Variants in SPTBN2 observed in about 807,000 individuals in gnomAD.
SPTBN2 encodes the protein spectrin beta, non-erythrocytic 2.
Under a neutral mutation model 284.2 loss-of-function variants are expected in SPTBN2, and 107 were observed. That is an observed-to-expected ratio of 0.38 (90% CI 0.32 to 0.44). The LOEUF is 0.44. Among genes scored for constraint, SPTBN2 ranks in the 20% least tolerant of loss-of-function variants. The pLI, the probability that SPTBN2 is intolerant of heterozygous loss-of-function variation, is 1.00. For synonymous variants in SPTBN2, 1,289 were observed against 1,354.8 expected (o/e 0.95, Z 1.07); for missense variants, 2,569 against 3,287.1 (o/e 0.78, Z 5.34).
intron 3 of SPTBN2, among the ~76,000 whole-genome samples, chr11:66,717,476 A>AACAC (rs1245073329): frequency 1.3e-5 from 2 of 152,102 alleles, no homozygotes; most frequent in Non-Finnish European, 2.9e-5. Flanking sequence ...AAGACACAGC[A>AACAC]ACACACCCAC....
chr11:66,726,780 A>C (rs1355295873), intron 1 of SPTBN2, among the ~76,000 whole-genome samples: 2 of 152,238 alleles, frequency 1.3e-5, no homozygotes, highest in Non-Finnish European at 2.9e-5. Context: ...TGAATAATAG[A>C]TTAGAAGAAA....
chr11:66,689,324 G>GA, intron 29 of SPTBN2, 144 bp from the exon 30 acceptor site: 1 of 866,026 alleles, frequency 1.2e-6, no homozygotes, highest in Admixed American at 2.4e-5. Flanking sequence ...ACCAAGGCTG[G>GA]AATGCAGTGG....
chr11:66,699,489 G>T lies in SPTBN2; in HGVS notation c.3693C>A (p.Leu1231=). Residue 1231 remains leucine (L), a synonymous_variant, in exon 18 of 38, where the codon CTC becomes CTA. Transcript: ENST00000533211. ...ATACCAGCTGGCGGCCAGCCTCCAG[G>T]AGCCCGTGGATCCGTTCCCCATTGG... ...MDANGERIHG[L]LEAGRQLVSE... is the part of the protein sequence containing the mutation. The T allele has an allele frequency of 6.2e-7, 1 of 1,614,166 alleles. No homozygotes were observed. The highest frequency in any genetic ancestry group is 8.5e-7 in the Non-Finnish European group (1 of 1,180,036).
chr11:66,694,340 C>T lies in SPTBN2; in HGVS notation c.4302G>A (p.Val1434=), dbSNP rs1437186452. Residue 1434 remains valine (V), a synonymous_variant, in exon 22 of 38, where the codon GTG becomes GTA. Transcript: ENST00000533211. The part of the protein sequence containing the change: ...KQQMLEWEMA[V]REKEVEAIQA... ...GGATTGCCTCCACCTCCTTCTCTCT[C>T]ACAGCCATCTCCCATTCCAGCATCT... 1 of 1,614,212 alleles carries T rather than the reference C, an allele frequency of 6.2e-7. No individual in the cohort carries two copies. The highest frequency in any genetic ancestry group is 1.1e-5 in the South Asian group (1 of 91,088).
At chr11:66,714,532 T>G (rs551569945) in intron 5 of SPTBN2, 125 bp from the exon 6 acceptor site, 2 of 843,396 alleles carry the variant, frequency 2.4e-6, no homozygotes, top group South Asian at 2.8e-5. Flanking sequence ...AGGCATAGCC[T>G]GAGGTCCTTT....
In SPTBN2 at chr11:66,714,092, G is replaced by T; in HGVS notation, c.655C>A (p.Arg219=). The T allele has an allele frequency of 6.2e-7, 1 of 1,614,184 alleles. No homozygotes were observed. The highest frequency in any genetic ancestry group is 1.1e-5 in the South Asian group (1 of 91,080). ...LAFNAIVHKH[R]PDLLDFESLK... ...CGTTTGCTAACCCCATCTTCTCACCGGTGTTTATGCACGATGGCGTTGAAA... is the reference window on the plus strand; with the variant it reads ...CGTTTGCTAACCCCATCTTCTCACCTGTGTTTATGCACGATGGCGTTGAAA... Residue 219 remains arginine, a splice_region_variant and synonymous_variant, in exon 7 of 38, where the codon CGG becomes AGG. Transcript: ENST00000533211.
rs1940062840 is a variant in SPTBN2 at position 66,685,742 on chromosome 11, G to C, written c.*129C>G. ...GACTCGTCCCCAGTGACAGTTCCTG[G>C]TGATGGGTTGACCTTGGCAACAGAC... On this transcript the variant is annotated 3_prime_UTR_variant, in exon 38 of 38. Coordinates refer to ENST00000533211, the MANE Select transcript of SPTBN2 (RefSeq NM_006946.4). The surrounding 1 kb of genome is among the most constrained non-coding windows in gnomAD (Gnocchi z 4.4). The C allele has an allele frequency of 1.2e-5, 10 of 837,034 alleles. No homozygotes were observed. Among genetic ancestry groups the C allele is most frequent in the Non-Finnish European group, 2.0e-5 (10 of 501,152 alleles). The allele number at this position is 837,034 out of a possible 1,614,324, so 51.9% of individuals were successfully genotyped here.
rs987598548 is a variant in SPTBN2, at chr11:66,693,596, C to T, written c.4594-150G>A. 2.4e-5 allele frequency: 34 copies of T among 1,403,346 alleles called. No individual in the cohort carries two copies. In the East Asian group the frequency reaches 2.5e-4, roughly 10 times the overall value. 86.9% of individuals were successfully genotyped at this position (1,403,346 alleles called of 1,614,324 possible). On this transcript the variant is annotated intron_variant, in intron 23 of 37. Transcript: ENST00000533211. The surrounding 1 kb of genome is among the most constrained non-coding windows in gnomAD (Gnocchi z 5.7). ...GGGTGCGATGGTAACACCCGTCAGCCGCCCAGCCCCCACTATCTCCTACTG... is the reference window on the plus strand; with the variant it reads ...GGGTGCGATGGTAACACCCGTCAGCTGCCCAGCCCCCACTATCTCCTACTG...
At chr11:66,689,291 T>C in intron 29 of SPTBN2, 111 bp from the exon 30 acceptor site, 1 of 1,220,516 alleles carries the variant, frequency 8.2e-7, no homozygotes, top group Admixed American at 2.2e-5. Flanking sequence ...TTCTTTTTTT[T>C]GAGACGGAGT....
rs2135309758 is a variant in SPTBN2, at chr11:66,688,248, G to A, written c.6295C>T (p.Pro2099Ser). 1 of 1,613,364 alleles carries A rather than the reference G, an allele frequency of 6.2e-7. No individual in the cohort carries two copies. The highest frequency in any genetic ancestry group is 1.1e-5 in the South Asian group (1 of 91,030). The change falls in exon 32 of 38, where the codon CCT becomes TCT. Residue 2099 changes from proline (P) to serine (S), a missense_variant. Pro to Ser is a moderately conservative substitution (Grantham distance 74). This residue lies in a region of SPTBN2 where 1,130 missense variants were observed against 1,317.3 expected (regional missense o/e 0.86). Transcript: ENST00000533211. ...REEEERRKQP[P>S]APEPTASVPP... Reference sequence around the variant, plus strand: ...ACACTGGCTGTGGGTTCGGGAGCAGGCGGCTGTTTCCGCCGCTCCTCCTCC... The same window carrying A: ...ACACTGGCTGTGGGTTCGGGAGCAGACGGCTGTTTCCGCCGCTCCTCCTCC...
At position 66,715,924 on chromosome 11, in the gene SPTBN2, G is replaced by A; in HGVS notation, c.215C>T (p.Ala72Val). 1.2e-6 allele frequency: 2 copies of A among 1,614,106 alleles called. No homozygotes were observed. Among genetic ancestry groups the A allele is most frequent in the Non-Finnish European group, 1.7e-6 (2 of 1,180,018 alleles). The change falls in exon 4 of 38, where the codon GCC becomes GTC. Residue 72 changes from alanine (A) to valine (V), a missense_variant. Coordinates refer to ENST00000533211, the MANE Select transcript of SPTBN2 (RefSeq NM_006946.4). This position sits in a 1 kb window ranked among gnomAD's most constrained non-coding sequence, Gnocchi z 5.3. Reference protein sequence around the residue: ...TFTKWVNSHLARVTCRVGDLY... With the variant: ...TFTKWVNSHLVRVTCRVGDLY... ...GTCCCCCACCCGGCACGTGACCCGG[G>A]CCAGGTGCGAGTTTACCCACTTGGT...
At chr11:66,716,849 G>A (rs1437693519) in intron 3 of SPTBN2, among the ~76,000 whole-genome samples, 1 of 152,224 alleles carries the variant, frequency 6.6e-6, no homozygotes, top group Admixed American at 6.5e-5. Flanking sequence ...TCTTTTGGTT[G>A]CAGACAAAGG....
intron 8 of SPTBN2, among the ~76,000 whole-genome samples, chr11:66,711,412 G>C (rs1941859240): frequency 6.6e-6 from 1 of 152,200 alleles, no homozygotes; most frequent in African/African-American, 2.4e-5. Context: ...GGATTGAGGG[G>C]CAGTGGGACG....
rs1940180290 is a variant in SPTBN2 at position 66,687,289 on chromosome 11, G to C, written c.6723-122C>G. 2 of 1,553,948 alleles carry C rather than the reference G, an allele frequency of 1.3e-6. No individual in the cohort carries two copies. The highest frequency in any genetic ancestry group is 1.7e-6 in the Non-Finnish European group (2 of 1,144,482). ...TAGGCCACGGTCTTCACACCCTCTG[G>C]TCCTCCCCTGAGGCCCCGCTCTGGT... is the stretch of plus-strand genomic sequence containing the variant. On this transcript the variant is annotated intron_variant, in intron 35 of 37. Coordinates refer to ENST00000533211, the MANE Select transcript of SPTBN2 (RefSeq NM_006946.4). This position sits in a 1 kb window ranked among gnomAD's most constrained non-coding sequence, Gnocchi z 5.2.
intron 1 of SPTBN2, 46 bp from the exon 2 acceptor site, chr11:66,721,486 G>A: frequency 3.5e-6 from 2 of 569,306 alleles, no homozygotes; most frequent in African/African-American, 1.9e-5. Context: ...AAGCAGGAAG[G>A]CAGCAGCAGC....
chr11:66,703,945 GT>G (rs1284160090), intron 15 of SPTBN2, among the ~76,000 whole-genome samples: 1 of 150,550 alleles, frequency 6.6e-6, no homozygotes, highest in East Asian at 1.9e-4. Flanking sequence ...TATATTGTAG[GT>G]AAGAATGCTT....
chr11:66,683,635 G>T lies in SPTBN2; in HGVS notation c.*2236C>A, dbSNP rs1378562272. Among the ~76,000 whole-genome samples the T allele has an allele frequency of 6.6e-6, 1 of 152,244 alleles. No individual in the cohort carries two copies. Among genetic ancestry groups the T allele is most frequent in the Non-Finnish European group, 1.5e-5 (1 of 68,056 alleles). The stretch of plus-strand genomic sequence containing the variant: ...ATGCAGATGCTGCTCGGGGTCTTCA[G>T]TCTCACCTCTCCGTTGACAATGCCT... On this transcript the variant is annotated 3_prime_UTR_variant, in exon 38 of 38. Transcript: ENST00000533211.
In SPTBN2 at chr11:66,715,188, G is replaced by C; in HGVS notation, c.483+34C>G. On this transcript the variant is annotated intron_variant, in intron 5 of 37. Coordinates refer to ENST00000533211, the MANE Select transcript of SPTBN2 (RefSeq NM_006946.4). This position sits in a 1 kb window ranked among gnomAD's most constrained non-coding sequence, Gnocchi z 5.3. ...GGCTTGCGGTGCAGAGCCAGGGCAGGAACCACACCCTGTGTGACAGTGTGC... is the reference window on the plus strand; with the variant it reads ...GGCTTGCGGTGCAGAGCCAGGGCAGCAACCACACCCTGTGTGACAGTGTGC... The C allele has an allele frequency of 6.2e-7, 1 of 1,613,992 alleles. No individual in the cohort carries two copies. Among genetic ancestry groups the C allele is most frequent in the Non-Finnish European group, 8.5e-7 (1 of 1,179,898 alleles).
chr11:66,727,396 T>A (rs1329935012), intron 1 of SPTBN2, among the ~76,000 whole-genome samples: 1 of 152,152 alleles, frequency 6.6e-6, no homozygotes, highest in Non-Finnish European at 1.5e-5. Flanking sequence ...GGGGCAAACC[T>A]GCACCTCACA....
Sources: gnomAD v4.1 joint callset for allele counts (sites outside exome capture counted in the v4.1 genomes callset) on GRCh38, gnomAD v4.1.1 for gene constraint, gnomAD v4.1.1 regional missense constraint, Gnocchi (gnomAD v3.1) non-coding constraint, MANE v1.5 for transcripts, NCBI Gene and HGNC (gene_info 2026-07-23, HGNC 2026-07-21) for gene names.